Variants in TMEM132B observed in about 807,000 individuals in gnomAD.
TMEM132B encodes the protein transmembrane protein 132B.
In TMEM132B, 18 loss-of-function variants were observed where a neutral mutation model predicts 90.8. The observed-to-expected ratio is 0.20, with a 90% CI of 0.14 to 0.29. The LOEUF is 0.29. Among genes scored for constraint, TMEM132B ranks in the 10% least tolerant of loss-of-function variants. The pLI, the probability that TMEM132B is intolerant of heterozygous loss-of-function variation, is 1.00. For synonymous variants in TMEM132B, 504 were observed against 523.3 expected (o/e 0.96, Z 0.50); for missense variants, 1,096 against 1,326.8 (o/e 0.83, Z 2.70).
At chr12:125,554,198 T>C (rs1276012545) in intron 4 of TMEM132B, among the ~76,000 whole-genome samples, 1 of 151,438 alleles carries the variant, frequency 6.6e-6, no homozygotes, top group Non-Finnish European at 1.5e-5. Flanking sequence ...CTGAGGTGGG[T>C]GGATCACGAG....
intron 1 of TMEM132B, among the ~76,000 whole-genome samples, chr12:125,189,878 C>T (rs1309287915): frequency 1.3e-5 from 2 of 152,126 alleles, no homozygotes; most frequent in Admixed American, 6.5e-5. Context: ...TCTCCCAGCT[C>T]TATGTGGCTG....
At chr12:125,622,241 A>G (rs373393998) in intron 5 of TMEM132B, among the ~76,000 whole-genome samples, 1 of 152,196 alleles carries the variant, frequency 6.6e-6, no homozygotes, top group Admixed American at 6.5e-5. Flanking sequence ...ATATGGCTTA[A>G]TTACATGTTT....
rs1887154877 is a variant in TMEM132B, at chr12:125,659,455, G to T, written c.*4745G>T. On this transcript the variant is annotated 3_prime_UTR_variant, in exon 9 of 9. Transcript: ENST00000682704. ...GCAGGGGCTTTGTACTGGGCCCAGG[G>T]TGCTGAGCTTTCCAGAACAGGCAGA... 6.6e-6 allele frequency: 1 copy of T among 152,270 alleles called. No individual in the cohort carries two copies. The highest frequency in any genetic ancestry group is 1.5e-5 in the Non-Finnish European group (1 of 68,164). 9.4% of individuals were successfully genotyped at this position (152,270 alleles called of 1,614,324 possible). A position where few individuals can be genotyped will look rare whatever the true frequency, so the allele number is the denominator to read the frequency against.
intron 4 of TMEM132B, among the ~76,000 whole-genome samples, chr12:125,561,211 T>C (rs1011549707): frequency 1.3e-5 from 2 of 152,192 alleles, no homozygotes; most frequent in African/African-American, 4.8e-5. Flanking sequence ...GATGAGTTCA[T>C]GTGCTTTGCA....
At chr12:125,622,714 A>G (rs1886140580) in intron 5 of TMEM132B, 3 of 970,664 alleles carry the variant, frequency 3.1e-6, no homozygotes, top group Non-Finnish European at 3.7e-6. Context: ...CCTTTCCAGA[A>G]ACCTTTTTTC....
At chr12:125,235,708 G>A (rs761620566) in intron 1 of TMEM132B, among the ~76,000 whole-genome samples, 10 of 151,062 alleles carry the variant, frequency 6.6e-5, no homozygotes, top group Non-Finnish European at 1.3e-4. Context: ...AAATTGACTC[G>A]TACAAATATG....
At chr12:125,628,385 T>C (rs919496123) in intron 5 of TMEM132B, among the ~76,000 whole-genome samples, 2 of 152,218 alleles carry the variant, frequency 1.3e-5, no homozygotes, top group African/African-American at 4.8e-5. Context: ...GATTTGCATT[T>C]CTCTGATGAT....
intron 5 of TMEM132B, among the ~76,000 whole-genome samples, chr12:125,595,387 T>C (rs1054426281): frequency 6.6e-6 from 1 of 152,196 alleles, no homozygotes; most frequent in African/African-American, 2.4e-5. Flanking sequence ...CATTTAAACC[T>C]ACCTCAGCCA....
chr12:125,306,323 G>A (rs552125958), intron 1 of TMEM132B, among the ~76,000 whole-genome samples: 1 of 152,330 alleles, frequency 6.6e-6, no homozygotes, highest in South Asian at 2.1e-4. Context: ...TTTAGCAGAT[G>A]GCAGATGAAG....
At chr12:125,399,112 G>C (rs1879240017) in intron 2 of TMEM132B, among the ~76,000 whole-genome samples, 1 of 152,192 alleles carries the variant, frequency 6.6e-6, no homozygotes, top group Non-Finnish European at 1.5e-5. Flanking sequence ...CAAGAAGATA[G>C]TTCTAGTCAG....
chr12:125,218,841 G>A (rs1269478322), intron 1 of TMEM132B, among the ~76,000 whole-genome samples: 1 of 141,972 alleles, frequency 7.0e-6, no homozygotes, highest in Non-Finnish European at 1.5e-5. Flanking sequence ...AAAAGAACTG[G>A]AAACAGGTGC....
intron 5 of TMEM132B, among the ~76,000 whole-genome samples, chr12:125,588,802 C>T (rs1885238693): frequency 6.6e-6 from 1 of 152,206 alleles, no homozygotes; most frequent in Non-Finnish European, 1.5e-5. Context: ...ATTTCCCGCT[C>T]ATTCTCTGCT....
chr12:125,582,671 T>G lies in TMEM132B; in HGVS notation c.1294-1180T>G, dbSNP rs7305355. 5.8e-3 allele frequency among the ~76,000 whole-genome samples: 887 copies of G among 152,372 alleles called. 4 individuals carry two copies. The highest frequency in any genetic ancestry group is 0.02 in the African/African-American group (852 of 41,580). The stretch of plus-strand genomic sequence containing the variant: ...ACTCAGTGGTTCTTTAATTCACTCA[T>G]GGAGCAAATACTGTAGAGAACTTAC... On this transcript the variant is annotated intron_variant, in intron 4 of 8. Coordinates refer to ENST00000682704, the MANE Select transcript of TMEM132B (RefSeq NM_001366854.1).
Position 125,658,722 on chromosome 12 carries a change from A to T in TMEM132B, c.*4012A>T, listed in dbSNP as rs911228093. 2.0e-5 allele frequency: 3 copies of T among 152,248 alleles called. No individual in the cohort carries two copies. The highest frequency in any genetic ancestry group is 7.2e-5 in the African/African-American group (3 of 41,466). 9.4% of individuals were successfully genotyped at this position (152,248 alleles called of 1,614,324 possible). On this transcript the variant is annotated 3_prime_UTR_variant, in exon 9 of 9. Coordinates refer to ENST00000682704, the MANE Select transcript of TMEM132B (RefSeq NM_001366854.1). ...CGAGTTTTTTAAAGTGAAAGCATGCAAAATCGTAGCTTTTAAATGTACAGA... is the reference window on the plus strand; with the variant it reads ...CGAGTTTTTTAAAGTGAAAGCATGCTAAATCGTAGCTTTTAAATGTACAGA...
At chr12:125,398,502 A>G (rs1879226060) in intron 2 of TMEM132B, among the ~76,000 whole-genome samples, 1 of 152,210 alleles carries the variant, frequency 6.6e-6, no homozygotes, top group African/African-American at 2.4e-5. Context: ...AGTCAGCCTC[A>G]GTGTCAGGGA....
intron 3 of TMEM132B, among the ~76,000 whole-genome samples, chr12:125,428,347 C>T (rs572861310): frequency 1.3e-5 from 2 of 152,102 alleles, no homozygotes; most frequent in Non-Finnish European, 2.9e-5. Flanking sequence ...AAACCCGGGC[C>T]TCTCCATGAA....
At chr12:125,434,899 G>A (rs1282291142) in intron 3 of TMEM132B, among the ~76,000 whole-genome samples, 2 of 152,314 alleles carry the variant, frequency 1.3e-5, no homozygotes, top group South Asian at 4.1e-4. Flanking sequence ...TCCTCATGCT[G>A]AAACTTCTTT....
Position 125,458,600 on chromosome 12 carries a change from C to T in TMEM132B, c.1106+42923C>T, listed in dbSNP as rs1253360140. On this transcript the variant is annotated intron_variant, in intron 3 of 8. Coordinates refer to ENST00000682704, the MANE Select transcript of TMEM132B (RefSeq NM_001366854.1). The surrounding 1 kb of genome is among the most constrained non-coding windows in gnomAD (Gnocchi z 4.9). ...GAGCAGCCAGGTGGAGATCAGATCA[C>T]ACATGGAGCTGGCTCAGGACCCCTG... 6.6e-6 allele frequency among the ~76,000 whole-genome samples: 1 copy of T among 152,112 alleles called. No homozygotes were observed. The highest frequency in any genetic ancestry group is 6.5e-5 in the Admixed American group (1 of 15,290).
At chr12:125,524,987 G>A (rs562209021) in intron 4 of TMEM132B, among the ~76,000 whole-genome samples, 28 of 152,278 alleles carry the variant, frequency 1.8e-4, no homozygotes, top group African/African-American at 6.5e-4. Context: ...TAGCCAAGTG[G>A]AAAGAAGGAA....
Sources: allele counts gnomAD v4.1 joint callset (sites outside exome capture counted in the v4.1 genomes callset), GRCh38; gene constraint gnomAD v4.1.1; non-coding constraint Gnocchi (gnomAD v3.1); transcripts MANE v1.5; gene names NCBI Gene and HGNC (gene_info 2026-07-23, HGNC 2026-07-21).